The following GABRB1 variants were observed in gnomAD, a reference collection of about 807,000 sequenced individuals.
The protein encoded by GABRB1 is gamma-aminobutyric acid receptor subunit beta-1.
In GABRB1, 17 loss-of-function variants were observed where a neutral mutation model predicts 51.6. That is an observed-to-expected ratio of 0.33 (90% CI 0.23 to 0.49). The LOEUF is 0.49. Among genes scored for constraint, GABRB1 ranks in the 20% least tolerant of loss-of-function variants. The pLI is 0.99. For missense variants in GABRB1, 410 were observed against 600.6 expected, an observed-to-expected ratio of 0.68 and a Z score of 3.32; for synonymous variants, 247 against 218.9, an observed-to-expected ratio of 1.13 and a Z score of -1.14.
intron 5 of GABRB1, among the ~76,000 whole-genome samples, chr4:47,339,222 G>C (rs1375162452): frequency 6.6e-6 from 1 of 152,196 alleles, no homozygotes; most frequent in Non-Finnish European, 1.5e-5. Flanking sequence ...TGGTCTGTGA[G>C]TATGTGCTGT....
chr4:47,239,216 T>C (rs964433803), intron 4 of GABRB1, among the ~76,000 whole-genome samples: 1 of 152,192 alleles, frequency 6.6e-6, no homozygotes, highest in Admixed American at 6.5e-5. Context: ...AAGCAGAAGA[T>C]TCCTTGTAAA....
intron 5 of GABRB1, among the ~76,000 whole-genome samples, chr4:47,321,313 C>T (rs1725076082): frequency 6.6e-6 from 1 of 152,124 alleles, no homozygotes; most frequent in Admixed American, 6.5e-5. Context: ...AGTAGTGTCT[C>T]ATTACTGAGC....
chr4:47,119,978 A>G (rs1379951836), intron 3 of GABRB1, among the ~76,000 whole-genome samples: 2 of 152,210 alleles, frequency 1.3e-5, no homozygotes, highest in East Asian at 1.9e-4. Flanking sequence ...TGCGAAATCA[A>G]AACAATGCAA....
At chr4:47,319,979 T>C (rs900675481) in intron 4 of GABRB1, 148 bp from the exon 5 acceptor site, 2 of 668,740 alleles carry the variant, frequency 3.0e-6, no homozygotes, top group African/African-American at 3.6e-5. Flanking sequence ...TGTTGACGTA[T>C]AATTATTCAT....
At chr4:47,243,738 C>T (rs1002236071) in intron 4 of GABRB1, among the ~76,000 whole-genome samples, 3 of 152,108 alleles carry the variant, frequency 2.0e-5, no homozygotes, top group African/African-American at 7.2e-5. Flanking sequence ...GATTTTGTAT[C>T]CTGAGACTTT....
chr4:47,333,235 T>TAC (rs1181546351), intron 5 of GABRB1, among the ~76,000 whole-genome samples: 30 of 33,376 alleles, frequency 9.0e-4, no homozygotes, highest in East Asian at 3.1e-3. Context: ...TATATATATA[T>TAC]ACACACCACG....
At position 47,158,597 on chromosome 4, in the gene GABRB1, T is replaced by C. The variant is rs144803619; in HGVS notation, c.241-2652T>C. On this transcript the variant is annotated intron_variant, in intron 3 of 8. Coordinates refer to ENST00000295454, the MANE Select transcript of GABRB1 (RefSeq NM_000812.4). ...TGAGGAATCGGTATAAGCTGACACA[T>C]GTATTCCATTGTTGACAATGCTGAC... Among the ~76,000 whole-genome samples the C allele has an allele frequency of 2.0e-4, 30 of 152,250 alleles. No individual in the cohort carries two copies. The East Asian group carries it at 5.8e-3, about 29-fold the overall frequency.
intron 5 of GABRB1, among the ~76,000 whole-genome samples, chr4:47,386,614 A>G (rs1727803068): frequency 6.6e-6 from 1 of 152,234 alleles, no homozygotes; most frequent in African/African-American, 2.4e-5. Flanking sequence ...ATTAGCATGT[A>G]TAAAGGAAAG....
Position 47,005,997 on chromosome 4 carries a change from CT to C in GABRB1, c.-20+12081del, listed in dbSNP as rs558124287. Among the ~76,000 whole-genome samples, 572 of 142,984 alleles carry C rather than the reference CT, an allele frequency of 4.0e-3. 3 individuals are homozygous for C. Among genetic ancestry groups the C allele is most frequent in the African/African-American group, 0.01 (403 of 39,176 alleles). The allele number at this position is 142,984 out of a possible 152,430, so 93.8% of individuals were successfully genotyped here. ...CTGATTTGAGGAGGCTTTTGTTATT[CT>C]TTTTTTTTTCACATCTTCTAATAAA... On this transcript the variant is annotated intron_variant, in intron 1 of 3. Coordinates refer to the GABRB1 transcript ENST00000513567.
At position 46,998,085 on chromosome 4, in the gene GABRB1, T is replaced by C. The variant is rs549000277; in HGVS notation, c.-20+4159T>C. Among the ~76,000 whole-genome samples the C allele has an allele frequency of 2.0e-4, 31 of 152,294 alleles. No individual in the cohort carries two copies. In the South Asian group the frequency reaches 2.1e-3, roughly 10 times the overall value. Reference sequence around the variant, plus strand: ...TAATCTGGGGGAATTTAACATATTGTATTTGAGTAAACATTTCATAATACC... The same window carrying C: ...TAATCTGGGGGAATTTAACATATTGCATTTGAGTAAACATTTCATAATACC... On this transcript the variant is annotated intron_variant, in intron 1 of 3. Transcript: ENST00000513567.
intron 4 of GABRB1, 100 bp downstream of exon 4, chr4:47,161,569 T>C (rs1453911798): frequency 7.0e-6 from 6 of 855,264 alleles, no homozygotes; most frequent in Non-Finnish European, 1.1e-5. Context: ...AATATATAGA[T>C]GAATATATAA....
chr4:47,176,230 T>C (rs1434244120), intron 4 of GABRB1, among the ~76,000 whole-genome samples: 1 of 152,126 alleles, frequency 6.6e-6, no homozygotes, highest in Admixed American at 6.6e-5. Flanking sequence ...ATTCAACTTC[T>C]ATATGATAGG....
intron 3 of GABRB1, among the ~76,000 whole-genome samples, chr4:47,043,500 C>T (rs1166901709): frequency 1.3e-5 from 2 of 152,022 alleles, no homozygotes; most frequent in African/African-American, 2.4e-5. Context: ...TTCAAAATCA[C>T]TGTTACCAGA....
chr4:47,001,052 G>T (rs1006723826), intron 1 of GABRB1, among the ~76,000 whole-genome samples: 2 of 152,146 alleles, frequency 1.3e-5, no homozygotes, highest in South Asian at 4.1e-4. Context: ...TTATAAGAAT[G>T]GTGTGATGGT....
At chr4:47,294,678 G>GAAAC (rs1723896317) in intron 4 of GABRB1, among the ~76,000 whole-genome samples, 1 of 152,236 alleles carries the variant, frequency 6.6e-6, no homozygotes, top group Non-Finnish European at 1.5e-5. Context: ...CTGGGGGCAG[G>GAAAC]AAACAGACAA....
chr4:47,198,101 C>T (rs1047176622), intron 4 of GABRB1, among the ~76,000 whole-genome samples: 1 of 152,150 alleles, frequency 6.6e-6, no homozygotes, highest in African/African-American at 2.4e-5. Context: ...GGAAGTGCTC[C>T]ATAAACCGAT....
chr4:47,088,611 A>T (rs1404146286), intron 3 of GABRB1, among the ~76,000 whole-genome samples: 3 of 152,186 alleles, frequency 2.0e-5, no homozygotes, highest in Non-Finnish European at 4.4e-5. Flanking sequence ...CAGGAGAAAA[A>T]GTTGTTTCTT....
chr4:47,058,766 T>C (rs1212629723), intron 3 of GABRB1, among the ~76,000 whole-genome samples: 1 of 152,206 alleles, frequency 6.6e-6, no homozygotes, highest in East Asian at 1.9e-4. Context: ...AGATTGCCTT[T>C]GTAATGCCTT....
At chr4:47,111,031 A>C (rs1168477257) in intron 3 of GABRB1, among the ~76,000 whole-genome samples, 1 of 152,246 alleles carries the variant, frequency 6.6e-6, no homozygotes, top group Non-Finnish European at 1.5e-5. Context: ...CATAATAACA[A>C]AATGAATTGG....
Sources: allele counts gnomAD v4.1 joint callset (sites outside exome capture counted in the v4.1 genomes callset), GRCh38; gene constraint gnomAD v4.1.1; transcripts MANE v1.5; gene names NCBI Gene and HGNC (gene_info 2026-07-23, HGNC 2026-07-21).